TMEM132D: variants seen among roughly 807,000 people sequenced by gnomAD.
The protein encoded by TMEM132D is mature OL transmembrane protein.
TMEM132D carries 21 observed loss-of-function variants against 62.3 expected under a neutral mutation model. The ratio of observed to expected loss-of-function variants is 0.34; its 90% confidence interval spans 0.24 to 0.49. The LOEUF (loss-of-function observed/expected upper bound fraction) is 0.49. Among genes scored for constraint, TMEM132D ranks in the 20% least tolerant of loss-of-function variants. The pLI, the probability that TMEM132D is intolerant of heterozygous loss-of-function variation, is 0.99. For synonymous variants in TMEM132D, 621 were observed against 575.6 expected, an observed-to-expected ratio of 1.08 and a Z score of -1.13; for missense variants, 1,346 against 1,402.8, an observed-to-expected ratio of 0.96 and a Z score of 0.65.
At position 129,689,250 on chromosome 12, in the gene TMEM132D, A is replaced by C. The variant is rs576335491; in HGVS notation, c.968+10560T>G. ...ACAGGGGCAGCACTTAAATATCACA[A>C]TTCCACTATTTTTACTTAAAAGCTC... On this transcript the variant is annotated intron_variant, in intron 2 of 8. Transcript: ENST00000422113. Among the ~76,000 whole-genome samples the C allele has an allele frequency of 7.2e-5, 11 of 152,268 alleles. No homozygotes were observed. The East Asian group carries it at 1.9e-3, about 27-fold the overall frequency.
intron 1 of TMEM132D, among the ~76,000 whole-genome samples, chr12:129,878,703 A>G (rs909658623): frequency 4.0e-5 from 6 of 151,758 alleles, no homozygotes; most frequent in Admixed American, 6.6e-5. Context: ...CAGCTTCCCC[A>G]GTAGCTGGGA....
chr12:129,794,207 G>C (rs1871490174), intron 1 of TMEM132D, among the ~76,000 whole-genome samples: 1 of 148,972 alleles, frequency 6.7e-6, no homozygotes, highest in Non-Finnish European at 1.5e-5. Flanking sequence ...TCCTGCCTCA[G>C]TCTCTGGAGT....
intron 5 of TMEM132D, among the ~76,000 whole-genome samples, chr12:129,188,903 G>C (rs146217470): frequency 0.015 from 2,229 of 152,284 alleles, 46 homozygotes; most frequent in Non-Finnish European, 0.019. Flanking sequence ...CTGTAGCAGA[G>C]AGTGTAAGGT....
chr12:129,803,018 G>A lies in TMEM132D; in HGVS notation c.79+100243C>T, dbSNP rs372739147. ...CCTAAATATATATGCACCCAATACA[G>A]GAGCACCCAGATTCATAGAGCAAGT... On this transcript the variant is annotated intron_variant, in intron 1 of 8. Coordinates refer to ENST00000422113, the MANE Select transcript of TMEM132D (RefSeq NM_133448.3). 6.8e-3 allele frequency among the ~76,000 whole-genome samples: 1,031 copies of A among 150,742 alleles called. 35 individuals are homozygous for A. The South Asian group carries it at 0.071, about 10-fold the overall frequency.
At chr12:129,899,955 T>C (rs1323559926) in intron 1 of TMEM132D, among the ~76,000 whole-genome samples, 2 of 152,230 alleles carry the variant, frequency 1.3e-5, no homozygotes, top group Non-Finnish European at 2.9e-5. Context: ...ATCACTGTAC[T>C]TTGAAGCTCT....
At chr12:129,635,192 A>G (rs966687354) in intron 2 of TMEM132D, among the ~76,000 whole-genome samples, 2 of 152,118 alleles carry the variant, frequency 1.3e-5, no homozygotes, top group Admixed American at 1.3e-4. Flanking sequence ...TTGCTACCTC[A>G]TTTGCCTCTG....
intron 3 of TMEM132D, among the ~76,000 whole-genome samples, chr12:129,519,448 C>A (rs1237011339): frequency 6.6e-6 from 1 of 152,142 alleles, no homozygotes; most frequent in Admixed American, 6.5e-5. Context: ...TACCTTATCA[C>A]AATTTAGAAA....
In TMEM132D at chr12:129,371,623, GTGGTGA is replaced by G. The variant is rs1210091177; in HGVS notation, c.1116-33812_1116-33807del. ...ATGGCAGATTGTGGTGATGATGATGGTGGTGATGGTGATGGTGGTGGTGATGGTGAT... is the reference window on the plus strand; with the variant it reads ...ATGGCAGATTGTGGTGATGATGATGGTGGTGATGGTGGTGGTGATGGTGAT... On this transcript the variant is annotated intron_variant, in intron 3 of 8. Transcript: ENST00000422113. The surrounding 1 kb of genome is among the most constrained non-coding windows in gnomAD (Gnocchi z 4.3). 4.6e-5 allele frequency among the ~76,000 whole-genome samples: 7 copies of G among 151,752 alleles called. No individual in the cohort carries two copies. Among genetic ancestry groups the G allele is most frequent in the African/African-American group, 9.7e-5 (4 of 41,284 alleles).
At chr12:129,330,879 A>C (rs1205920842) in intron 4 of TMEM132D, among the ~76,000 whole-genome samples, 1 of 152,236 alleles carries the variant, frequency 6.6e-6, no homozygotes, top group Non-Finnish European at 1.5e-5. Context: ...CTTAGAGTGC[A>C]AATCAAAGGG....
chr12:129,415,096 GA>G (rs1232452357), intron 3 of TMEM132D, among the ~76,000 whole-genome samples: 1 of 152,160 alleles, frequency 6.6e-6, no homozygotes, highest in Non-Finnish European at 1.5e-5. Context: ...TCCGTATCTT[GA>G]CTATGGTGAA....
intron 5 of TMEM132D, among the ~76,000 whole-genome samples, chr12:129,153,942 GCGTGGCTGAGGCTTTTGTCCATT>G (rs1269773784): frequency 2.0e-5 from 3 of 152,210 alleles, no homozygotes; most frequent in Non-Finnish European, 4.4e-5. Flanking sequence ...AGATGACACA[GCGTGGCTGAGGCTTTTGTCCATT>G]CCAGGCAAAA....
chr12:129,810,569 CA>C (rs1565994106), intron 1 of TMEM132D, among the ~76,000 whole-genome samples: 8 of 16,908 alleles, frequency 4.7e-4, no homozygotes, highest in Non-Finnish European at 7.6e-4. Flanking sequence ...CACACACACA[CA>C]CACCCCCCCA....
chr12:129,781,848 C>T lies in TMEM132D; in HGVS notation c.80-81150G>A, dbSNP rs114471179. Reference sequence around the variant, plus strand: ...GGCCCAGCTAAAATCCGGGAGTTAACTTATTCAAGAAAATATGAGAAAAGA... The same window carrying T: ...GGCCCAGCTAAAATCCGGGAGTTAATTTATTCAAGAAAATATGAGAAAAGA... On this transcript the variant is annotated intron_variant, in intron 1 of 8. Transcript: ENST00000422113. Among the ~76,000 whole-genome samples the T allele has an allele frequency of 1.9e-3, 285 of 152,308 alleles. 2 individuals carry two copies. Among genetic ancestry groups the T allele is most frequent in the African/African-American group, 6.6e-3 (274 of 41,556 alleles).
At chr12:129,734,637 A>G (rs115396604) in intron 1 of TMEM132D, among the ~76,000 whole-genome samples, 32 of 152,298 alleles carry the variant, frequency 2.1e-4, no homozygotes, top group African/African-American at 7.7e-4. Flanking sequence ...GGACACATTG[A>G]TTATAATCAA....
At chr12:129,337,381 A>G (rs1464078225) in intron 4 of TMEM132D, among the ~76,000 whole-genome samples, 1 of 152,084 alleles carries the variant, frequency 6.6e-6, no homozygotes, top group African/African-American at 2.4e-5. Flanking sequence ...TTTATTTTCT[A>G]AATAATACGT....
At position 129,121,191 on chromosome 12, in the gene TMEM132D, G is replaced by A. The variant is rs963414412; in HGVS notation, c.1444-36489C>T. ...GCTCACTGCAACCTCCACCTCCTGAGTTCAAGCGATTCTCCTGCCTCAGCC... is the reference window on the plus strand; with the variant it reads ...GCTCACTGCAACCTCCACCTCCTGAATTCAAGCGATTCTCCTGCCTCAGCC... On this transcript the variant is annotated intron_variant, in intron 5 of 8. Coordinates refer to ENST00000422113, the MANE Select transcript of TMEM132D (RefSeq NM_133448.3). Among the ~76,000 whole-genome samples the A allele has an allele frequency of 3.9e-5, 6 of 152,278 alleles. No homozygotes were observed. The South Asian group carries it at 6.2e-4, about 16-fold the overall frequency.
intron 1 of TMEM132D, among the ~76,000 whole-genome samples, chr12:129,775,675 C>T (rs1332242363): frequency 1.3e-5 from 2 of 152,184 alleles, no homozygotes; most frequent in Admixed American, 1.3e-4. Context: ...GATAAAACTG[C>T]CATAAATGGC....
intron 4 of TMEM132D, among the ~76,000 whole-genome samples, chr12:129,310,826 C>T (rs927839372): frequency 6.6e-6 from 1 of 152,176 alleles, no homozygotes; most frequent in East Asian, 1.9e-4. Flanking sequence ...TTAAAGTGAG[C>T]TCCAGCCTCC....
chr12:129,703,297 C>T (rs919169530), intron 1 of TMEM132D, among the ~76,000 whole-genome samples: 3 of 152,172 alleles, frequency 2.0e-5, no homozygotes, highest in Non-Finnish European at 4.4e-5. Flanking sequence ...TGATTTTATT[C>T]AGGAAAGCAA....
Sources: gnomAD v4.1 joint callset for allele counts (sites outside exome capture counted in the v4.1 genomes callset) on GRCh38, gnomAD v4.1.1 for gene constraint, Gnocchi (gnomAD v3.1) non-coding constraint, MANE v1.5 for transcripts, NCBI Gene and HGNC (gene_info 2026-07-23, HGNC 2026-07-21) for gene names.